Variants in IL3 observed in about 807,000 individuals in gnomAD.
IL3 encodes the protein interleukin 3.
Under a neutral mutation model 15.4 loss-of-function variants are expected in IL3, and 15 were observed. The ratio of observed to expected loss-of-function variants is 0.97; its 90% CI spans 0.65 to 1.50. IL3 has a LOEUF of 1.50. Among genes scored for constraint, IL3 ranks in the 40% most tolerant of loss-of-function variants. The pLI is 0.00. For missense variants in IL3, 162 were observed against 192.2 expected (o/e 0.84, Z 0.93); for synonymous variants, 74 against 79.3 (o/e 0.93, Z 0.36).
At position 132,060,727 on chromosome 5, in the gene IL3, G is replaced by A; in HGVS notation, c.21G>A (p.Leu7=). The A allele has an allele frequency of 1.2e-6, 2 of 1,613,492 alleles. No homozygotes were observed. Residue 7 remains leucine, a synonymous_variant, in exon 1 of 5, where the codon CTG becomes CTA. Transcript: ENST00000296870. Reference sequence around the variant, plus strand: ...CAAACATGAGCCGCCTGCCCGTCCTGCTCCTGCTCCAACTCCTGGTCCGCC... The same window carrying A: ...CAAACATGAGCCGCCTGCCCGTCCTACTCCTGCTCCAACTCCTGGTCCGCC... MSRLPV[L]LLLQLLVRPG... is the part of the protein sequence containing the mutation.
At position 132,060,727 on chromosome 5, in the gene IL3, G is replaced by C; in HGVS notation, c.21G>C (p.Leu7=). The C allele has an allele frequency of 6.2e-7, 1 of 1,613,492 alleles. No homozygotes were observed. The highest frequency in any genetic ancestry group is 8.5e-7 in the Non-Finnish European group (1 of 1,180,000). The change falls in exon 1 of 5, where the codon CTG becomes CTC. Residue 7 remains leucine, a synonymous_variant. Coordinates refer to ENST00000296870, the MANE Select transcript of IL3 (RefSeq NM_000588.4). MSRLPV[L]LLLQLLVRPG... ...CAAACATGAGCCGCCTGCCCGTCCT[G>C]CTCCTGCTCCAACTCCTGGTCCGCC...
intron 2 of IL3, 43 bp downstream of exon 2, chr5:132,061,051 G>GCCAGGAA: frequency 6.3e-7 from 1 of 1,592,818 alleles, no homozygotes; most frequent in South Asian, 1.1e-5. Context: ...TCCTGCCTGG[G>GCCAGGAA]TGACTTCAGC....
At position 132,062,899 on chromosome 5, in the gene IL3, C is replaced by A; in HGVS notation, c.*108C>A. The stretch of plus-strand genomic sequence containing the variant: ...GGTCATCTCTCACACATTCCAGGAC[C>A]AGAAGCATTTCACCTTTTCCTGCGG... On this transcript the variant is annotated 3_prime_UTR_variant, in exon 5 of 5. Coordinates refer to ENST00000296870, the MANE Select transcript of IL3 (RefSeq NM_000588.4). The A allele has an allele frequency of 1.4e-6, 2 of 1,400,850 alleles. No individual in the cohort carries two copies. The highest frequency in any genetic ancestry group is 1.9e-6 in the Non-Finnish European group (2 of 1,043,814). 86.8% of individuals were successfully genotyped at this position (1,400,850 alleles called of 1,614,324 possible). A position where few individuals can be genotyped will look rare whatever the true frequency, so the allele number is the denominator to read the frequency against.
At chr5:132,061,342 C>T (rs1756474535) in intron 2 of IL3, among the ~76,000 whole-genome samples, 1 of 152,192 alleles carries the variant, frequency 6.6e-6, no homozygotes, top group African/African-American at 2.4e-5. Context: ...CAGAAATTTC[C>T]CCCTCAGATG....
In IL3 at chr5:132,062,305, C is replaced by G. The variant is rs370462249; in HGVS notation, c.205-7C>G. On this transcript the variant is annotated splice_region_variant and splice_polypyrimidine_tract_variant and intron_variant, in intron 2 of 4. Transcript: ENST00000296870. ...TTCCCCCTTAAGTGTATTCTCTGCC[C>G]CGTTAGGAAAATAACCTTCGAAGGC... 2 of 1,608,620 alleles carry G rather than the reference C, an allele frequency of 1.2e-6. No homozygotes were observed. Among genetic ancestry groups the G allele is most frequent in the Admixed American group, 1.7e-5 (1 of 59,990 alleles).
chr5:132,061,299 A>G (rs534943856), intron 2 of IL3, among the ~76,000 whole-genome samples: 1 of 152,368 alleles, frequency 6.6e-6, no homozygotes, highest in East Asian at 1.9e-4. Flanking sequence ...CCTTAAGGTC[A>G]GTGTTTGGTA....
At chr5:132,062,206 A>AT in intron 2 of IL3, 106 bp from the exon 3 acceptor site, 1 of 905,094 alleles carries the variant, frequency 1.1e-6, no homozygotes, top group Non-Finnish European at 1.8e-6. Flanking sequence ...GAACCCGAGG[A>AT]TGTCCCCAAC....
chr5:132,060,955 T>G lies in IL3; in HGVS notation c.163-12T>G. 1.9e-6 allele frequency: 3 copies of G among 1,614,110 alleles called. No individual in the cohort carries two copies. ...AGGCCTCATGGGCCTTTCTCTCCCT[T>G]CACCCCCACAGGACTTCAACAACCT... On this transcript the variant is annotated splice_polypyrimidine_tract_variant and intron_variant, in intron 1 of 4. Coordinates refer to ENST00000296870, the MANE Select transcript of IL3 (RefSeq NM_000588.4).
chr5:132,061,239 CTT>C (rs1366127261), intron 2 of IL3, among the ~76,000 whole-genome samples: 1 of 152,166 alleles, frequency 6.6e-6, no homozygotes, highest in Non-Finnish European at 1.5e-5. Context: ...ATGAAAATGA[CTT>C]TTAAATTAGA....
Position 132,062,665 on chromosome 5 carries a change from A to C in IL3, c.337-4A>C. The stretch of plus-strand genomic sequence containing the variant: ...CTAATGCCACCTTCTTGGTTTCTTT[A>C]TAGCGACATCCAATCCATATCAAGG... On this transcript the variant is annotated splice_polypyrimidine_tract_variant and splice_region_variant and intron_variant, in intron 4 of 4. Transcript: ENST00000296870. The C allele has an allele frequency of 6.2e-7, 1 of 1,614,190 alleles. No individual in the cohort carries two copies. The highest frequency in any genetic ancestry group is 1.7e-5 in the Admixed American group (1 of 60,026).
At position 132,062,835 on chromosome 5, in the gene IL3, C is replaced by G; in HGVS notation, c.*44C>G. The stretch of plus-strand genomic sequence containing the variant: ...TCTCTGGGCCTTCTCACCACAGAGC[C>G]TCGGGACATCAAAAACAGCAGAACT... On this transcript the variant is annotated 3_prime_UTR_variant, in exon 5 of 5. Coordinates refer to ENST00000296870, the MANE Select transcript of IL3 (RefSeq NM_000588.4). 1 of 1,579,692 alleles carries G rather than the reference C, an allele frequency of 6.3e-7. No homozygotes were observed. Among genetic ancestry groups the G allele is most frequent in the East Asian group, 2.2e-5 (1 of 44,450 alleles).
Position 132,062,326 on chromosome 5 carries a change from A to G in IL3, c.219A>G (p.Arg73=), listed in dbSNP as rs1300468233. ...DQDILMENNL[R]RPNLEAFNRA... ...TGCCCCGTTAGGAAAATAACCTTCGAAGGCCAAACCTGGAGGCATTCAACA... is the reference window on the plus strand; with the variant it reads ...TGCCCCGTTAGGAAAATAACCTTCGGAGGCCAAACCTGGAGGCATTCAACA... Residue 73 remains arginine (R), a synonymous_variant, in exon 3 of 5, where the codon CGA becomes CGG. Coordinates refer to ENST00000296870, the MANE Select transcript of IL3 (RefSeq NM_000588.4). The G allele has an allele frequency of 1.9e-6, 3 of 1,613,960 alleles. No individual in the cohort carries two copies. The highest frequency in any genetic ancestry group is 1.7e-6 in the Non-Finnish European group (2 of 1,179,792).
intron 2 of IL3, 110 bp from the exon 3 acceptor site, chr5:132,062,202 G>A (rs908240051): frequency 6.7e-6 from 6 of 890,972 alleles, no homozygotes; most frequent in African/African-American, 3.3e-5. Flanking sequence ...GAGGGAACCC[G>A]AGGATGTCCC....
intron 2 of IL3, among the ~76,000 whole-genome samples, chr5:132,061,610 T>C (rs987436588): frequency 6.6e-6 from 1 of 152,226 alleles, no homozygotes; most frequent in East Asian, 1.9e-4. Context: ...TCTTGATTTC[T>C]AGGAGACTTT....
chr5:132,062,342 G>T lies in IL3; in HGVS notation c.235G>T (p.Ala79Ser). Residue 79 changes from alanine (A) to serine (S), a missense_variant, in exon 3 of 5, where the codon GCA (alanine) becomes TCA (serine). Ala to Ser is a moderately conservative substitution (Grantham distance 99). Coordinates refer to ENST00000296870, the MANE Select transcript of IL3 (RefSeq NM_000588.4). The part of the protein sequence containing the change: ...ENNLRRPNLE[A>S]FNRAVKSLQN... The stretch of plus-strand genomic sequence containing the variant: ...TAACCTTCGAAGGCCAAACCTGGAG[G>T]CATTCAACAGGGCTGTCAAGAGTTT... 1 of 1,614,138 alleles carries T rather than the reference G, an allele frequency of 6.2e-7. No homozygotes were observed. Among genetic ancestry groups the T allele is most frequent in the Non-Finnish European group, 8.5e-7 (1 of 1,179,954 alleles).
intron 2 of IL3, 48 bp downstream of exon 2, chr5:132,061,056 T>C (rs1226120323): frequency 6.4e-7 from 1 of 1,566,448 alleles, no homozygotes; most frequent in South Asian, 1.1e-5. Flanking sequence ...CCTGGGTGAC[T>C]TCAGCCATGT....
intron 2 of IL3, 90 bp downstream of exon 2, chr5:132,061,098 T>C: frequency 2.5e-6 from 3 of 1,204,452 alleles, no homozygotes; most frequent in Non-Finnish European, 3.7e-6. Flanking sequence ...GCTTTCTTCA[T>C]CTGTAAAATA....
chr5:132,062,740 CCTTG>C lies in IL3; in HGVS notation c.409_412del (p.Leu137ArgfsTer10). 1 of 1,614,124 alleles carries C rather than the reference CCTTG, an allele frequency of 6.2e-7. No individual in the cohort carries two copies. The highest frequency in any genetic ancestry group is 8.5e-7 in the Non-Finnish European group (1 of 1,180,010). ...GGAAACTGACGTTCTATCTGAAAAC[CCTTG>C]AGAATGCGCAGGCTCAACAGACGAC... On this transcript the variant is annotated frameshift_variant, in exon 5 of 5. Coordinates refer to ENST00000296870, the MANE Select transcript of IL3 (RefSeq NM_000588.4). LOFTEE classifies it low-confidence loss of function (END_TRUNC).
rs756873166 is a variant in IL3 at position 132,062,567 on chromosome 5, G to A, written c.336G>A (p.Thr112=). 9.3e-6 allele frequency: 15 copies of A among 1,613,970 alleles called. No individual in the cohort carries two copies. Among genetic ancestry groups the A allele is most frequent in the South Asian group, 1.1e-5 (1 of 91,088 alleles). The change falls in exon 4 of 5, where the codon ACG becomes ACA. Residue 112 remains threonine, a splice_region_variant and synonymous_variant. Coordinates refer to ENST00000296870, the MANE Select transcript of IL3 (RefSeq NM_000588.4). The part of the protein sequence containing the change: ...PCLPLATAAP[T]RHPIHIKDGD... ...TGCCCCTGGCCACGGCCGCACCCAC[G>A]GTAAGCTGTCCCCCAAGATGCCCGT...
Sources: allele counts gnomAD v4.1 joint callset (sites outside exome capture counted in the v4.1 genomes callset), GRCh38; gene constraint gnomAD v4.1.1; transcripts MANE v1.5; gene names NCBI Gene and HGNC (gene_info 2026-07-23, HGNC 2026-07-21).